Variants in TBC1D22A observed in about 807,000 individuals in gnomAD.
TBC1D22A encodes putative GTPase activator.
Under a neutral mutation model 60.2 loss-of-function variants are expected in TBC1D22A, and 38 were observed. That is an observed-to-expected ratio of 0.63 (90% CI 0.49 to 0.83). TBC1D22A has a LOEUF of 0.83. Among genes scored for constraint, TBC1D22A ranks in the 40% least tolerant of loss-of-function variants. The pLI is 0.00. For missense variants in TBC1D22A, 628 were observed against 701.0 expected (o/e 0.90, Z 1.18); for synonymous variants, 302 against 281.7 (o/e 1.07, Z -0.72).
intron 7 of TBC1D22A, among the ~76,000 whole-genome samples, chr22:46,902,409 C>CATCAAGAATGTTACTAGAACTTTAGT (rs1555935570): frequency 6.6e-6 from 1 of 152,252 alleles, no homozygotes; most frequent in Admixed American, 6.5e-5. Context: ...AAGACGTGAA[C>CATCAAGAATGTTACTAGAACTTTAGT]ATCAAGAATG....
chr22:46,850,267 GT>G, intron 4 of TBC1D22A, among the ~76,000 whole-genome samples: 1 of 152,238 alleles, frequency 6.6e-6, no homozygotes, highest in Admixed American at 6.5e-5. Context: ...TGCCTTTGAG[GT>G]ACCCTGTGAA....
At chr22:47,047,970 C>T (rs2063083546) in intron 11 of TBC1D22A, among the ~76,000 whole-genome samples, 2 of 152,328 alleles carry the variant, frequency 1.3e-5, no homozygotes, top group South Asian at 4.1e-4. Flanking sequence ...CTCAGTCTTT[C>T]CCCAGACCAT....
intron 11 of TBC1D22A, among the ~76,000 whole-genome samples, chr22:47,066,881 C>T (rs1418999990): frequency 1.3e-5 from 2 of 152,160 alleles, no homozygotes; most frequent in African/African-American, 2.4e-5. Context: ...AATCCTGTCT[C>T]GAATGGGCCG....
chr22:47,070,078 C>T (rs1002127483), intron 11 of TBC1D22A, among the ~76,000 whole-genome samples: 2 of 104,550 alleles, frequency 1.9e-5, no homozygotes, highest in East Asian at 4.8e-4. Context: ...TTTGGTTGGA[C>T]GCTGTCCCCT....
chr22:46,904,132 T>TATC (rs1569199508), intron 7 of TBC1D22A, among the ~76,000 whole-genome samples: 1 of 111,174 alleles, frequency 9.0e-6, no homozygotes, highest in Non-Finnish European at 1.8e-5. Context: ...TCTATCTATC[T>TATC]ATCTATCTAT....
chr22:46,853,624 G>A (rs1480592027), intron 4 of TBC1D22A, among the ~76,000 whole-genome samples: 3 of 152,194 alleles, frequency 2.0e-5, no homozygotes, highest in East Asian at 3.9e-4. Context: ...TACTTACTTC[G>A]CTGAAACTGG....
chr22:46,905,830 C>T (rs1008313250), intron 7 of TBC1D22A, among the ~76,000 whole-genome samples: 2 of 152,230 alleles, frequency 1.3e-5, no homozygotes, highest in African/African-American at 4.8e-5. Context: ...GGGGCATGAC[C>T]TTCCCGTGTC....
intron 11 of TBC1D22A, among the ~76,000 whole-genome samples, chr22:47,045,529 G>A (rs1012558128): frequency 1.3e-5 from 2 of 152,162 alleles, no homozygotes; most frequent in African/African-American, 2.4e-5. Flanking sequence ...TGAATTGAAT[G>A]GTAATGACAT....
chr22:46,833,425 A>T (rs1311930764), intron 4 of TBC1D22A, among the ~76,000 whole-genome samples: 3 of 152,186 alleles, frequency 2.0e-5, no homozygotes, highest in Non-Finnish European at 2.9e-5. Flanking sequence ...AGAAACCAGC[A>T]TGGCCGGCCG....
intron 10 of TBC1D22A, among the ~76,000 whole-genome samples, chr22:47,015,574 G>A (rs1335151912): frequency 6.6e-6 from 1 of 152,222 alleles, no homozygotes; most frequent in African/African-American, 2.4e-5. Flanking sequence ...AGAAGGAATT[G>A]TTTCTTGTCT....
intron 4 of TBC1D22A, among the ~76,000 whole-genome samples, chr22:46,816,448 G>T (rs940399656): frequency 1.3e-5 from 2 of 152,232 alleles, no homozygotes; most frequent in African/African-American, 2.4e-5. Flanking sequence ...AGCACTGAAT[G>T]AAGTTATTCT....
chr22:47,025,603 T>TAGAAACG (rs2062225702), intron 10 of TBC1D22A, among the ~76,000 whole-genome samples: 1 of 152,216 alleles, frequency 6.6e-6, no homozygotes, highest in African/African-American at 2.4e-5. Flanking sequence ...GAGCAGTACT[T>TAGAAACG]AGAAACGTAT....
chr22:46,920,820 G>T (rs2070712790), intron 8 of TBC1D22A, among the ~76,000 whole-genome samples: 1 of 151,252 alleles, frequency 6.6e-6, no homozygotes. Context: ...GCTCAGGCTG[G>T]AGTGCAGTCG....
chr22:47,113,684 G>GTCTCCCTATCT (rs1803837862), intron 12 of TBC1D22A, among the ~76,000 whole-genome samples: 1 of 152,204 alleles, frequency 6.6e-6, no homozygotes, highest in East Asian at 1.9e-4. Context: ...TCCCAAATAG[G>GTCTCCCTATCT]GACAGTGTCA....
intron 11 of TBC1D22A, among the ~76,000 whole-genome samples, chr22:47,080,151 GTAGA>G (rs138819883): frequency 0.27 from 40,852 of 151,900 alleles, 6,044 homozygotes; most frequent in East Asian, 0.57. Context: ...CTTGAAGGGA[GTAGA>G]TAAACTAGTT....
chr22:47,075,698 T>A (rs937618190), intron 11 of TBC1D22A, among the ~76,000 whole-genome samples: 3 of 152,172 alleles, frequency 2.0e-5, no homozygotes, highest in African/African-American at 7.2e-5. Flanking sequence ...TAAATAAATA[T>A]TGAGATAGTT....
intron 1 of TBC1D22A, among the ~76,000 whole-genome samples, chr22:46,785,738 A>G (rs1024120357): frequency 2.6e-5 from 4 of 152,224 alleles, no homozygotes; most frequent in African/African-American, 9.6e-5. Context: ...TTCACTGAGC[A>G]TAATATTTTC....
At chr22:47,102,592 C>T (rs1467394066) in intron 11 of TBC1D22A, among the ~76,000 whole-genome samples, 1 of 152,174 alleles carries the variant, frequency 6.6e-6, no homozygotes, top group East Asian at 1.9e-4. Flanking sequence ...AGATAATTTA[C>T]CAAGTCATCC....
intron 11 of TBC1D22A, among the ~76,000 whole-genome samples, chr22:47,100,886 G>A (rs976897832): frequency 6.6e-6 from 1 of 152,162 alleles, no homozygotes; most frequent in African/African-American, 2.4e-5. Flanking sequence ...CCAACAGCTC[G>A]CCTCAGAGGG....
Sources: gnomAD v4.1 joint callset for allele counts (sites outside exome capture counted in the v4.1 genomes callset) on GRCh38, gnomAD v4.1.1 for gene constraint, MANE v1.5 for transcripts, NCBI Gene and HGNC (gene_info 2026-07-23, HGNC 2026-07-21) for gene names.